The following SHANK2 variants were observed in gnomAD, a reference collection of about 807,000 sequenced individuals.
The protein encoded by SHANK2 is SH3 and multiple ankyrin repeat domains protein 2.
A neutral mutation model predicts 133.7 loss-of-function variants in SHANK2; 43 were observed. That is an observed-to-expected ratio of 0.32 (90% CI 0.25 to 0.41). The LOEUF is 0.41. Among genes scored for constraint, SHANK2 ranks in the 10% least tolerant of loss-of-function variants. SHANK2 has a pLI of 1.00. For missense variants in SHANK2, 1,994 were observed against 2,235.8 expected (o/e 0.89, Z 2.18); for synonymous variants, 1,017 against 952.8 (o/e 1.07, Z -1.24).
chr11:70,568,813 G>C lies in SHANK2; in HGVS notation c.2062-65882C>G, dbSNP rs576949844. Among the ~76,000 whole-genome samples the C allele has an allele frequency of 2.6e-5, 4 of 152,240 alleles. No individual in the cohort carries two copies. In the South Asian group the frequency reaches 8.3e-4, roughly 32 times the overall value. On this transcript the variant is annotated intron_variant, in intron 17 of 25. Transcript: ENST00000601538. The stretch of plus-strand genomic sequence containing the variant: ...CTGGAGGGTGTGGCTCCAAGACTTT[G>C]ATTCTTTGAGCCACCATGGCTAGAC...
intron 1 of SHANK2, among the ~76,000 whole-genome samples, chr11:71,226,899 G>A (rs2135750462): frequency 6.6e-6 from 1 of 152,174 alleles, no homozygotes; most frequent in Non-Finnish European, 1.5e-5. Flanking sequence ...TATATTTGAT[G>A]GTTGAAGCAA....
chr11:70,757,309 G>C (rs1165674882), intron 14 of SHANK2, among the ~76,000 whole-genome samples: 1 of 152,200 alleles, frequency 6.6e-6, no homozygotes, highest in Non-Finnish European at 1.5e-5. Flanking sequence ...CTGTAAAAAG[G>C]GATAACAACC....
chr11:70,632,886 G>A (rs536532108), intron 17 of SHANK2, among the ~76,000 whole-genome samples: 1 of 152,180 alleles, frequency 6.6e-6, no homozygotes, highest in Non-Finnish European at 1.5e-5. Context: ...AGCAAGATGA[G>A]GGCTTGGGAA....
intron 1 of SHANK2, among the ~76,000 whole-genome samples, chr11:71,230,828 T>C (rs1555122855): frequency 6.6e-6 from 1 of 152,214 alleles, no homozygotes; most frequent in Non-Finnish European, 1.5e-5. Flanking sequence ...GAGGAAGGAC[T>C]GTCTTTTCAA....
Position 70,472,372 on chromosome 11 carries a change from G to C in SHANK2, c.*497C>G, listed in dbSNP as rs948508535. 22 of 177,308 alleles carry C rather than the reference G, an allele frequency of 1.2e-4. No individual in the cohort carries two copies. Among genetic ancestry groups the C allele is most frequent in the Admixed American group, 5.5e-4 (10 of 18,256 alleles). 11.0% of individuals were successfully genotyped at this position (177,308 alleles called of 1,614,324 possible). On this transcript the variant is annotated 3_prime_UTR_variant, in exon 26 of 26. Transcript: ENST00000601538. The surrounding 1 kb of genome is among the most constrained non-coding windows in gnomAD (Gnocchi z 4.4). ...AGCATCTCACTGCAAGCCAAGTGCA[G>C]GAGAAAGAGGGGCAGGTGAGCATCA...
At chr11:70,615,677 G>A (rs1203180042) in intron 17 of SHANK2, among the ~76,000 whole-genome samples, 2 of 152,170 alleles carry the variant, frequency 1.3e-5, no homozygotes, top group East Asian at 1.9e-4. Flanking sequence ...TCGCTGTGTG[G>A]GCGGCTGGCT....
At chr11:70,556,723 CT>C (rs781985918) in intron 17 of SHANK2, among the ~76,000 whole-genome samples, 25 of 151,760 alleles carry the variant, frequency 1.6e-4, no homozygotes, top group Non-Finnish European at 3.1e-4. Flanking sequence ...TCCTGAGTAT[CT>C]GGGATTACAG....
chr11:71,066,092 G>GAGGT, intron 9 of SHANK2, among the ~76,000 whole-genome samples: 1 of 20,030 alleles, frequency 5.0e-5, no homozygotes, highest in Non-Finnish European at 1.2e-4. Context: ...GAAGTTGGTG[G>GAGGT]GGGGGGTGTG....
chr11:71,069,037 CCAT>C (rs1951106637), intron 9 of SHANK2, among the ~76,000 whole-genome samples: 1 of 151,644 alleles, frequency 6.6e-6, no homozygotes, highest in African/African-American at 2.4e-5. Context: ...GCCATGACCA[CCAT>C]CATCACCATC....
chr11:70,500,624 C>T lies in SHANK2; in HGVS notation c.2288-34G>A. On this transcript the variant is annotated intron_variant, in intron 20 of 25. Transcript: ENST00000601538. This position sits in a 1 kb window ranked among gnomAD's most constrained non-coding sequence, Gnocchi z 4.5. ...CAGAAAGGGGACCGCCATGAGCCAC[C>T]AGGATGCAGCGCCCGCCCGCAGCCT... 6.3e-7 allele frequency: 1 copy of T among 1,593,860 alleles called. No individual in the cohort carries two copies. Among genetic ancestry groups the T allele is most frequent in the South Asian group, 1.1e-5 (1 of 87,630 alleles).
At chr11:71,150,386 G>A (rs1238678898) in intron 2 of SHANK2, among the ~76,000 whole-genome samples, 1 of 119,076 alleles carries the variant, frequency 8.4e-6, no homozygotes, top group Non-Finnish European at 1.8e-5. Context: ...GAGGGAGGGA[G>A]AGGGAGGGAC....
intron 11 of SHANK2, among the ~76,000 whole-genome samples, chr11:70,852,279 G>A (rs1949097764): frequency 6.6e-6 from 1 of 152,228 alleles, no homozygotes; most frequent in Admixed American, 6.5e-5. Context: ...AAGCTTTAAA[G>A]AAAGAATATT....
At chr11:71,130,567 C>T (rs1952282179) in intron 3 of SHANK2, among the ~76,000 whole-genome samples, 1 of 152,124 alleles carries the variant, frequency 6.6e-6, no homozygotes. Context: ...TAAAATAGGT[C>T]TTATTGCCAT....
chr11:70,645,025 G>A (rs1237174340), intron 17 of SHANK2, among the ~76,000 whole-genome samples: 8 of 152,052 alleles, frequency 5.3e-5, no homozygotes, highest in Non-Finnish European at 7.4e-5. Flanking sequence ...AGTTCGAGAC[G>A]AGCCTGGCCA....
At chr11:70,575,399 A>G (rs567897732) in intron 17 of SHANK2, among the ~76,000 whole-genome samples, 23 of 151,340 alleles carry the variant, frequency 1.5e-4, no homozygotes, top group Middle Eastern at 6.8e-3. Context: ...GGTGCCTGTA[A>G]TCCCAGCTAC....
At chr11:70,531,173 A>G (rs1420351230) in intron 17 of SHANK2, among the ~76,000 whole-genome samples, 1 of 151,160 alleles carries the variant, frequency 6.6e-6, no homozygotes, top group Non-Finnish European at 1.5e-5. Flanking sequence ...AAAAAAAAAA[A>G]AAAAAAAACA....
intron 12 of SHANK2, among the ~76,000 whole-genome samples, chr11:70,812,241 C>G (rs1394083240): frequency 6.6e-6 from 1 of 152,218 alleles, no homozygotes; most frequent in African/African-American, 2.4e-5. Context: ...ACCCATCAAC[C>G]CCAGAGCCTG....
chr11:71,228,485 T>C (rs1954681161), intron 1 of SHANK2, among the ~76,000 whole-genome samples: 1 of 152,172 alleles, frequency 6.6e-6, no homozygotes, highest in Non-Finnish European at 1.5e-5. Context: ...AGGCTGGGTA[T>C]GGTGGCTCAT....
intron 11 of SHANK2, among the ~76,000 whole-genome samples, chr11:70,873,914 C>A (rs186960295): frequency 6.6e-6 from 1 of 152,096 alleles, no homozygotes; most frequent in Non-Finnish European, 1.5e-5. Flanking sequence ...AGCTCCCGGG[C>A]GTCAGTGACA....
Sources: gnomAD v4.1 joint callset for allele counts (sites outside exome capture counted in the v4.1 genomes callset) on GRCh38, gnomAD v4.1.1 for gene constraint, Gnocchi (gnomAD v3.1) non-coding constraint, MANE v1.5 for transcripts, NCBI Gene and HGNC (gene_info 2026-07-23, HGNC 2026-07-21) for gene names.